Variants in LDLRAD4 observed in about 807,000 individuals in gnomAD.
LDLRAD4 encodes low-density lipoprotein receptor class A domain-containing protein 4.
Under a neutral mutation model 17.0 loss-of-function variants are expected in LDLRAD4, and 5 were observed. The ratio of observed to expected loss-of-function variants is 0.29; its 90% CI spans 0.15 to 0.62. The LOEUF is 0.62. LDLRAD4 is among the 20% of genes least tolerant of loss of function. The pLI is 0.84. For synonymous variants in LDLRAD4, 168 were observed against 171.8 expected (o/e 0.98, Z 0.17); for missense variants, 340 against 424.7 (o/e 0.80, Z 1.75).
At chr18:13,625,621 C>T (rs1028198004) in intron 4 of LDLRAD4, among the ~76,000 whole-genome samples, 1 of 152,234 alleles carries the variant, frequency 6.6e-6, no homozygotes, top group South Asian at 2.1e-4. Context: ...CCAGCTCAGC[C>T]AGTTCTGGTC....
At position 13,612,308 on chromosome 18, in the gene LDLRAD4, G is replaced by T. The variant is rs867841329; in HGVS notation, c.182-8809G>T. The T allele has an allele frequency of 3.8e-6, 4 of 1,041,430 alleles. No individual in the cohort carries two copies. The African/African-American group carries it at 5.1e-5, about 13-fold the overall frequency. 64.5% of individuals were successfully genotyped at this position (1,041,430 alleles called of 1,614,324 possible). On this transcript the variant is annotated intron_variant, in intron 3 of 5. Coordinates refer to ENST00000359446, the Ensembl canonical transcript of LDLRAD4. ...AAGTGCAGACTGCTCACTGATAGACGTTGCTGTAAACAGTAGTGCCCTGGG... is the reference window on the plus strand; with the variant it reads ...AAGTGCAGACTGCTCACTGATAGACTTTGCTGTAAACAGTAGTGCCCTGGG...
chr18:13,397,798 A>G lies in LDLRAD4; in HGVS notation c.40+10036A>G, dbSNP rs531333663. Among the ~76,000 whole-genome samples the G allele has an allele frequency of 1.8e-4, 28 of 152,176 alleles. No homozygotes were observed. The East Asian group carries it at 2.3e-3, about 13-fold the overall frequency. On this transcript the variant is annotated intron_variant, in intron 2 of 5. Coordinates refer to ENST00000359446, the Ensembl canonical transcript of LDLRAD4. ...GTTGGGGAGAAAACCAGGCTGGTCT[A>G]TCATCTACACTCATTTTTTTCTTTT...
intron 1 of LDLRAD4, among the ~76,000 whole-genome samples, chr18:13,372,567 G>C (rs1453311548): frequency 6.6e-6 from 1 of 152,240 alleles, no homozygotes; most frequent in African/African-American, 2.4e-5. Flanking sequence ...GGATGGGCGT[G>C]CTGGGAATGC....
chr18:13,415,552 G>A (rs1363073716), intron 2 of LDLRAD4, among the ~76,000 whole-genome samples: 4 of 152,196 alleles, frequency 2.6e-5, no homozygotes, highest in African/African-American at 9.7e-5. Flanking sequence ...CGGTGGTTAG[G>A]GCTGTCTGAG....
chr18:13,567,419 G>A (rs1003876653), intron 3 of LDLRAD4, among the ~76,000 whole-genome samples: 14 of 152,172 alleles, frequency 9.2e-5, no homozygotes, highest in African/African-American at 2.7e-4. Context: ...GCCTGCTGCC[G>A]TAGGGCCTGC....
intron 3 of LDLRAD4, among the ~76,000 whole-genome samples, chr18:13,588,431 G>A (rs1304314998): frequency 6.6e-6 from 1 of 152,110 alleles, no homozygotes; most frequent in Non-Finnish European, 1.5e-5. Flanking sequence ...TTCTGAAAAT[G>A]TTTGGAATTT....
chr18:13,330,131 A>G (rs1219456490), intron 1 of LDLRAD4, among the ~76,000 whole-genome samples: 3 of 151,804 alleles, frequency 2.0e-5, no homozygotes, highest in African/African-American at 7.3e-5. Context: ...AATTTTTAAA[A>G]ATATTTTTTA....
intron 2 of LDLRAD4, among the ~76,000 whole-genome samples, chr18:13,414,297 T>C (rs181715080): frequency 2.0e-5 from 3 of 152,358 alleles, no homozygotes; most frequent in Admixed American, 6.5e-5. Flanking sequence ...ACATGACCTC[T>C]TGGAGCCCGT....
intron 3 of LDLRAD4, among the ~76,000 whole-genome samples, chr18:13,439,042 G>T (rs1295818824): frequency 6.6e-6 from 1 of 152,194 alleles, no homozygotes; most frequent in Non-Finnish European, 1.5e-5. Context: ...GTTTCTCTGG[G>T]CTAAGTGAAG....
chr18:13,521,939 C>G (rs955521809), intron 3 of LDLRAD4: 1 of 150,926 alleles, frequency 6.6e-6, no homozygotes, highest in Admixed American at 6.6e-5. Flanking sequence ...GCTGAACATG[C>G]AGTGCCCTGG....
intron 3 of LDLRAD4, among the ~76,000 whole-genome samples, chr18:13,550,997 G>A (rs1331272317): frequency 6.6e-6 from 1 of 152,110 alleles, no homozygotes; most frequent in East Asian, 1.9e-4. Context: ...CCAGCCCAGG[G>A]GCTTGACCTC....
chr18:13,491,142 AGAGTCCCTTGCAGCTGATGGTGAGCT>A (rs933973710), intron 3 of LDLRAD4: 1 of 152,292 alleles, frequency 6.6e-6, no homozygotes, highest in Non-Finnish European at 1.5e-5. Flanking sequence ...GACACCAGGC[AGAGTCCCTTGCAGCTGATGGTGAGCT>A]GAGGTGCACT....
At chr18:13,526,602 GA>G (rs1411456555) in intron 3 of LDLRAD4, 5 of 152,182 alleles carry the variant, frequency 3.3e-5, no homozygotes, top group Non-Finnish European at 5.9e-5. Context: ...TTACTCTTGT[GA>G]GGTTATTTTT....
chr18:13,585,774 AT>A (rs1162024737), intron 3 of LDLRAD4, among the ~76,000 whole-genome samples: 1 of 152,192 alleles, frequency 6.6e-6, no homozygotes, highest in African/African-American at 2.4e-5. Flanking sequence ...TTGTGTGGAG[AT>A]TGCTGATTCC....
At chr18:13,517,672 C>T (rs935497118) in intron 3 of LDLRAD4, among the ~76,000 whole-genome samples, 1 of 152,212 alleles carries the variant, frequency 6.6e-6, no homozygotes, top group South Asian at 2.1e-4. Context: ...GAGAATATTT[C>T]GCTCTAGCTA....
At chr18:13,587,925 T>C (rs946659047) in intron 3 of LDLRAD4, among the ~76,000 whole-genome samples, 1 of 152,214 alleles carries the variant, frequency 6.6e-6, no homozygotes, top group Non-Finnish European at 1.5e-5. Flanking sequence ...TGAATCTCTT[T>C]CATATAAATT....
chr18:13,478,630 AAGAAGTCAATGG>A, intron 3 of LDLRAD4, among the ~76,000 whole-genome samples: 1 of 152,386 alleles, frequency 6.6e-6, no homozygotes, highest in African/African-American at 2.4e-5. Flanking sequence ...AAAGAAGTCA[AAGAAGTCAATGG>A]AGAAATATTC....
intron 3 of LDLRAD4, among the ~76,000 whole-genome samples, chr18:13,499,345 T>A (rs2093566738): frequency 7.2e-6 from 1 of 138,672 alleles, no homozygotes; most frequent in Non-Finnish European, 1.5e-5. Flanking sequence ...GGAGAATCCT[T>A]GCCACACACG....
intron 2 of LDLRAD4, among the ~76,000 whole-genome samples, chr18:13,390,227 T>C (rs1191620169): frequency 6.6e-6 from 1 of 152,240 alleles, no homozygotes; most frequent in Non-Finnish European, 1.5e-5. Flanking sequence ...TCAGCCTGGC[T>C]GAGGAACAAG....
Sources: gnomAD v4.1 joint callset for allele counts (sites outside exome capture counted in the v4.1 genomes callset) on GRCh38, gnomAD v4.1.1 for gene constraint, MANE v1.5 for transcripts, NCBI Gene and HGNC (gene_info 2026-07-23, HGNC 2026-07-21) for gene names.